ELAVL4: variants seen among roughly 807,000 people sequenced by gnomAD.
ELAVL4 encodes ELAV-like protein 4.
Under a neutral mutation model 35.6 loss-of-function variants are expected in ELAVL4, and 1 was observed. The ratio of observed to expected loss-of-function variants is 0.03; its 90% CI spans 0.01 to 0.13. ELAVL4 has a LOEUF of 0.13. Ranked by LOEUF, ELAVL4 falls within the 10% of genes least tolerant of loss-of-function variation. The probability of loss-of-function intolerance (pLI) is 1.00; values close to 1 mark genes in which losing one functional copy is unlikely to be tolerated. For missense variants in ELAVL4, 267 were observed against 464.9 expected (o/e 0.57, Z 3.91); for synonymous variants, 156 against 171.0 (o/e 0.91, Z 0.69).
chr1:50,094,261 C>G (rs944517543), intron 1 of ELAVL4, among the ~76,000 whole-genome samples: 3 of 152,174 alleles, frequency 2.0e-5, no homozygotes, highest in African/African-American at 7.2e-5. Context: ...GACTATGAAT[C>G]TACATACATT....
chr1:50,086,174 G>A (rs934996639), intron 1 of ELAVL4, among the ~76,000 whole-genome samples: 6 of 151,758 alleles, frequency 4.0e-5, no homozygotes, highest in Admixed American at 3.3e-4. Flanking sequence ...AGGCCATTCC[G>A]TCAATATTTT....
intron 1 of ELAVL4, among the ~76,000 whole-genome samples, chr1:50,055,553 C>T (rs1239690881): frequency 6.6e-6 from 1 of 152,106 alleles, no homozygotes; most frequent in Non-Finnish European, 1.5e-5. Flanking sequence ...CCCGCCTCGG[C>T]CTCCCAAAGT....
intron 2 of ELAVL4, among the ~76,000 whole-genome samples, chr1:50,147,225 T>C (rs1057408000): frequency 6.6e-6 from 1 of 152,194 alleles, no homozygotes; most frequent in African/African-American, 2.4e-5. Context: ...AGAGAGCTTA[T>C]GGGAATGAGG....
At chr1:50,073,033 A>G (rs1279460359) in intron 1 of ELAVL4, among the ~76,000 whole-genome samples, 1 of 152,220 alleles carries the variant, frequency 6.6e-6, no homozygotes, top group African/African-American at 2.4e-5. Context: ...ATGAAATTTT[A>G]AAATCTTTTC....
intron 2 of ELAVL4, among the ~76,000 whole-genome samples, chr1:50,168,365 G>A (rs1234546358): frequency 2.6e-5 from 4 of 152,100 alleles, no homozygotes; most frequent in African/African-American, 9.7e-5. Context: ...CACTTTAACA[G>A]TAGACACCTG....
intron 3 of ELAVL4, among the ~76,000 whole-genome samples, chr1:50,186,064 G>T (rs1681781733): frequency 6.6e-6 from 1 of 151,626 alleles, no homozygotes; most frequent in Non-Finnish European, 1.5e-5. Flanking sequence ...TAATTTGATA[G>T]ATATTTTAAA....
At chr1:50,071,687 C>G (rs907082171) in intron 1 of ELAVL4, among the ~76,000 whole-genome samples, 2 of 152,098 alleles carry the variant, frequency 1.3e-5, no homozygotes, top group Non-Finnish European at 2.9e-5. Flanking sequence ...CTGAACATGA[C>G]GGAAACTGTA....
At chr1:50,110,026 T>TGC in intron 1 of ELAVL4, 1 of 1,567,248 alleles carries the variant, frequency 6.4e-7, no homozygotes, top group Admixed American at 1.7e-5. Context: ...TGTGTGTGTG[T>TGC]GCTTGTATGT....
chr1:50,201,171 A>G lies in ELAVL4; in HGVS notation c.1094A>G (p.Lys365Arg). The change falls in exon 7 of 7, where the codon AAG becomes AGG. Residue 365 changes from lysine (K) to arginine (R), a missense_variant. By Grantham distance (26) the Lys-to-Arg change is conservative (BLOSUM62 2). Coordinates refer to ENST00000371824, the MANE Select transcript of ELAVL4 (RefSeq NM_001144774.3). The surrounding 1 kb of genome is among the most constrained non-coding windows in gnomAD (Gnocchi z 4.3). ...QVSFKTNKAH[K>R]S Reference sequence around the variant, plus strand: ...TCCTTTAAAACCAACAAAGCCCACAAGTCCTGAATTTCCCATTCTTACTTA... The same window carrying G: ...TCCTTTAAAACCAACAAAGCCCACAGGTCCTGAATTTCCCATTCTTACTTA... 6.4e-7 allele frequency: 1 copy of G among 1,573,078 alleles called. No homozygotes were observed. The highest frequency in any genetic ancestry group is 1.2e-5 in the South Asian group (1 of 84,014).
chr1:50,155,566 G>A (rs1007345804), intron 2 of ELAVL4, among the ~76,000 whole-genome samples: 1 of 152,088 alleles, frequency 6.6e-6, no homozygotes, highest in African/African-American at 2.4e-5. Flanking sequence ...ATTAATATAA[G>A]GTATAAACAA....
intron 1 of ELAVL4, among the ~76,000 whole-genome samples, chr1:50,138,282 T>C (rs1322323109): frequency 2.0e-5 from 3 of 152,074 alleles, no homozygotes; most frequent in Non-Finnish European, 4.4e-5. Context: ...AAGGAACAAT[T>C]TGGGAACTTT....
chr1:50,129,545 A>C (rs1191231197), intron 1 of ELAVL4, among the ~76,000 whole-genome samples: 2 of 152,074 alleles, frequency 1.3e-5, no homozygotes, highest in Admixed American at 6.6e-5. Flanking sequence ...GATACCAGAA[A>C]TTGTGTTTGT....
chr1:50,137,510 A>G (rs765442469), intron 1 of ELAVL4, among the ~76,000 whole-genome samples: 1 of 152,074 alleles, frequency 6.6e-6, no homozygotes, highest in Non-Finnish European at 1.5e-5. Flanking sequence ...CCAGTCAAAA[A>G]AAAGGGAAGG....
At chr1:50,093,416 T>C (rs1222591714) in intron 1 of ELAVL4, among the ~76,000 whole-genome samples, 1 of 152,216 alleles carries the variant, frequency 6.6e-6, no homozygotes, top group Non-Finnish European at 1.5e-5. Flanking sequence ...TTCTGTCAAC[T>C]GATGTCCTTT....
chr1:50,098,458 C>A (rs930169779), intron 1 of ELAVL4, among the ~76,000 whole-genome samples: 2 of 152,110 alleles, frequency 1.3e-5, no homozygotes, highest in Non-Finnish European at 2.9e-5. Context: ...ATTGTGGTTA[C>A]CTCATAATAT....
chr1:50,053,258 G>A (rs1441514914), intron 1 of ELAVL4, among the ~76,000 whole-genome samples: 1 of 152,114 alleles, frequency 6.6e-6, no homozygotes, highest in Non-Finnish European at 1.5e-5. Flanking sequence ...GCTTCTTTTT[G>A]TACTTTTAAT....
chr1:50,057,292 GTTA>G (rs999658688), intron 1 of ELAVL4, among the ~76,000 whole-genome samples: 34 of 152,170 alleles, frequency 2.2e-4, no homozygotes, highest in African/African-American at 7.9e-4. Context: ...TCAGCTAAGT[GTTA>G]TTATAAGAGT....
chr1:50,119,367 A>C (rs1350441035), intron 1 of ELAVL4, among the ~76,000 whole-genome samples: 1 of 152,082 alleles, frequency 6.6e-6, no homozygotes, highest in Non-Finnish European at 1.5e-5. Flanking sequence ...AGCCTTGGAA[A>C]ATCTCATGCC....
At chr1:50,121,481 T>A (rs1055663865) in intron 1 of ELAVL4, among the ~76,000 whole-genome samples, 6 of 152,108 alleles carry the variant, frequency 3.9e-5, no homozygotes, top group Non-Finnish European at 8.8e-5. Flanking sequence ...AGGGTTAGTA[T>A]TATTTCATGA....
Sources: allele counts gnomAD v4.1 joint callset (sites outside exome capture counted in the v4.1 genomes callset), GRCh38; gene constraint gnomAD v4.1.1; non-coding constraint Gnocchi (gnomAD v3.1); transcripts MANE v1.5; gene names NCBI Gene and HGNC (gene_info 2026-07-23, HGNC 2026-07-21).